Variants in KCNH7 observed in about 807,000 individuals in gnomAD.
The protein encoded by KCNH7 is voltage-gated inwardly rectifying potassium channel KCNH7.
In KCNH7, 49 loss-of-function variants were observed where a neutral mutation model predicts 120.8. The ratio of observed to expected loss-of-function variants is 0.41; its 90% CI spans 0.32 to 0.51. KCNH7 has a LOEUF of 0.51. Among genes scored for constraint, KCNH7 ranks in the 20% least tolerant of loss-of-function variants. The probability of loss-of-function intolerance (pLI) is 0.38; values close to 1 mark genes in which losing one functional copy is unlikely to be tolerated. For missense variants in KCNH7, 1,097 were observed against 1,446.6 expected (o/e 0.76, Z 3.92); for synonymous variants, 547 against 516.1 (o/e 1.06, Z -0.81).
intron 3 of KCNH7, among the ~76,000 whole-genome samples, chr2:162,522,419 C>A (rs1436504885): frequency 1.3e-5 from 2 of 151,866 alleles, no homozygotes; most frequent in Non-Finnish European, 2.9e-5. Flanking sequence ...GTCTTTTCTG[C>A]ATCACTAGGT....
At chr2:162,501,046 G>A (rs1690669460) in intron 6 of KCNH7, among the ~76,000 whole-genome samples, 1 of 152,054 alleles carries the variant, frequency 6.6e-6, no homozygotes, top group Non-Finnish European at 1.5e-5. Flanking sequence ...GGCTATGCCT[G>A]CAGGAGGAAG....
At chr2:162,701,614 C>T (rs1310879445) in intron 2 of KCNH7, among the ~76,000 whole-genome samples, 1 of 152,176 alleles carries the variant, frequency 6.6e-6, no homozygotes, top group African/African-American at 2.4e-5. Flanking sequence ...ATTGTAATCT[C>T]TTAACACCTT....
intron 15 of KCNH7, among the ~76,000 whole-genome samples, chr2:162,373,103 G>A (rs779107357): frequency 2.6e-5 from 4 of 151,898 alleles, no homozygotes; most frequent in Non-Finnish European, 5.9e-5. Flanking sequence ...AGCTCTTTTG[G>A]GACCCAGATT....
chr2:162,378,408 C>G (rs988928323), intron 14 of KCNH7, among the ~76,000 whole-genome samples: 9 of 152,164 alleles, frequency 5.9e-5, no homozygotes, highest in Non-Finnish European at 7.3e-5. Flanking sequence ...CAGTCATTCA[C>G]TTGTGTGTTC....
intron 5 of KCNH7, among the ~76,000 whole-genome samples, chr2:162,510,436 T>A (rs994879930): frequency 3.3e-5 from 5 of 151,540 alleles, no homozygotes; most frequent in Non-Finnish European, 7.4e-5. Context: ...TAGCTCTTTG[T>A]GTAACAGGCA....
intron 2 of KCNH7, among the ~76,000 whole-genome samples, chr2:162,693,107 T>C (rs1283674462): frequency 6.6e-6 from 1 of 152,148 alleles, no homozygotes; most frequent in African/African-American, 2.4e-5. Context: ...AAAAAGAAGA[T>C]GTTTTGGGAG....
chr2:162,388,563 A>C (rs909801293), intron 12 of KCNH7, among the ~76,000 whole-genome samples: 1 of 151,938 alleles, frequency 6.6e-6, no homozygotes, highest in Admixed American at 6.6e-5. Flanking sequence ...ACTAAAATGG[A>C]TAACAAAAAG....
At chr2:162,564,266 C>A (rs369553238) in intron 2 of KCNH7, among the ~76,000 whole-genome samples, 1 of 139,614 alleles carries the variant, frequency 7.2e-6, no homozygotes, top group Admixed American at 7.8e-5. Context: ...ACCTGTATTT[C>A]TTCTGTCTGA....
chr2:162,777,485 G>A (rs1683284970), intron 2 of KCNH7, among the ~76,000 whole-genome samples: 1 of 152,148 alleles, frequency 6.6e-6, no homozygotes. Context: ...CACTGATACA[G>A]AGTGCTGACT....
intron 6 of KCNH7, among the ~76,000 whole-genome samples, chr2:162,470,304 C>A (rs970126368): frequency 6.6e-6 from 1 of 150,718 alleles, no homozygotes; most frequent in African/African-American, 2.5e-5. Context: ...ATGTGGGGAG[C>A]GCCTCTGCCC....
intron 2 of KCNH7, among the ~76,000 whole-genome samples, chr2:162,593,297 C>T (rs1694273938): frequency 6.6e-6 from 1 of 152,022 alleles, no homozygotes; most frequent in African/African-American, 2.4e-5. Flanking sequence ...TCCACTTTTC[C>T]TCCTCTGTAT....
At chr2:162,480,715 T>C (rs1030809468) in intron 6 of KCNH7, among the ~76,000 whole-genome samples, 2 of 152,188 alleles carry the variant, frequency 1.3e-5, no homozygotes, top group Admixed American at 6.5e-5. Flanking sequence ...GTATACTACC[T>C]GAGAACATTG....
At chr2:162,468,354 A>C (rs10930049) in intron 6 of KCNH7, among the ~76,000 whole-genome samples, 11,183 of 152,164 alleles carry the variant, frequency 0.073, 1,309 homozygotes, top group African/African-American at 0.25. Flanking sequence ...ATACTAAAGA[A>C]TATAAAGTTA....
chr2:162,777,329 T>A (rs1683278597), intron 2 of KCNH7, among the ~76,000 whole-genome samples: 1 of 152,116 alleles, frequency 6.6e-6, no homozygotes, highest in Non-Finnish European at 1.5e-5. Context: ...CTGAATACAA[T>A]GTAAATGCCA....
At chr2:162,696,864 T>C (rs1217980537) in intron 2 of KCNH7, among the ~76,000 whole-genome samples, 1 of 152,160 alleles carries the variant, frequency 6.6e-6, no homozygotes, top group East Asian at 1.9e-4. Context: ...CTTCCAAATA[T>C]GTTTAAATTT....
At chr2:162,587,379 T>G (rs953321009) in intron 2 of KCNH7, among the ~76,000 whole-genome samples, 14 of 152,122 alleles carry the variant, frequency 9.2e-5, no homozygotes, top group African/African-American at 3.4e-4. Flanking sequence ...CCAGTCTCTA[T>G]GACATCAACT....
rs183614716 is a variant in KCNH7, at chr2:162,663,410, T to C, written c.308-126330A>G. On this transcript the variant is annotated intron_variant, in intron 2 of 15. Transcript: ENST00000332142. The stretch of plus-strand genomic sequence containing the variant: ...TTTATTTGAGGATATATTTTGATGA[T>C]AATTCTTGATGATTTACTAATGACA... Among the ~76,000 whole-genome samples, 586 of 152,338 alleles carry C rather than the reference T, an allele frequency of 3.8e-3. 3 individuals carry two copies. The highest frequency in any genetic ancestry group is 0.013 in the African/African-American group (540 of 41,588).
chr2:162,430,535 T>C (rs925079305), intron 8 of KCNH7, among the ~76,000 whole-genome samples: 2 of 152,094 alleles, frequency 1.3e-5, no homozygotes, highest in Admixed American at 1.3e-4. Flanking sequence ...GTGTTCACTG[T>C]GGTCCAGGAA....
intron 2 of KCNH7, among the ~76,000 whole-genome samples, chr2:162,712,644 T>C (rs1686966745): frequency 6.6e-6 from 1 of 152,228 alleles, no homozygotes; most frequent in African/African-American, 2.4e-5. Flanking sequence ...AATAGGTTAA[T>C]GTACACTTTC....
Sources: gnomAD v4.1 joint callset for allele counts (sites outside exome capture counted in the v4.1 genomes callset) on GRCh38, gnomAD v4.1.1 for gene constraint, MANE v1.5 for transcripts, NCBI Gene and HGNC (gene_info 2026-07-23, HGNC 2026-07-21) for gene names.